RASEF: variants seen among roughly 807,000 people sequenced by gnomAD.
The protein encoded by RASEF is ras and EF-hand domain-containing protein.
RASEF carries 68 observed loss-of-function variants against 90.1 expected under a neutral mutation model. The ratio of observed to expected loss-of-function variants is 0.75; its 90% CI spans 0.62 to 0.92. The LOEUF (loss-of-function observed/expected upper bound fraction) is 0.92. Ranked by LOEUF, RASEF falls within the 40% of genes least tolerant of loss-of-function variation. The pLI is 0.00. For missense variants in RASEF, 949 were observed against 937.2 expected (o/e 1.01, Z -0.16); for synonymous variants, 331 against 345.2 (o/e 0.96, Z 0.46).
At chr9:83,070,948 T>C in the RASEF span, among the ~76,000 whole-genome samples, 1 of 152,230 alleles carries the variant, frequency 6.6e-6, no homozygotes, top group Non-Finnish European at 1.5e-5. Flanking sequence ...ATTCAGTTGA[T>C]TTTTATAATG....
chr9:83,132,103 T>C, the RASEF span, among the ~76,000 whole-genome samples: 5 of 152,298 alleles, frequency 3.3e-5, no homozygotes, highest in African/African-American at 9.6e-5. Context: ...ATTCCCCTGT[T>C]CTTAAACCTG....
rs143989297 is a variant in RASEF at position 83,057,924 on chromosome 9, G to A, written c.431+4513C>T. Among the ~76,000 whole-genome samples, 253 of 149,198 alleles carry A rather than the reference G, an allele frequency of 1.7e-3. 7 individuals carry two copies. The East Asian group carries it at 0.041, about 24-fold the overall frequency. ...CCAAAGCACCAAGATGCTCACATGT[G>A]GAAGATACTCAAGAGCTGAGATCAA... is the stretch of plus-strand genomic sequence containing the variant. On this transcript the variant is annotated intron_variant, in intron 1 of 16. Coordinates refer to ENST00000376447, the MANE Select transcript of RASEF (RefSeq NM_152573.4).
At chr9:83,124,736 T>C in the RASEF span, among the ~76,000 whole-genome samples, 9 of 152,326 alleles carry the variant, frequency 5.9e-5, no homozygotes, top group African/African-American at 2.2e-4. Flanking sequence ...ATTATCTTTT[T>C]CTTTTCTCTG....
chr9:83,131,918 A>C, the RASEF span, among the ~76,000 whole-genome samples: 1 of 152,170 alleles, frequency 6.6e-6, no homozygotes, highest in Non-Finnish European at 1.5e-5. Flanking sequence ...CAACTCTGGT[A>C]ATAATGGTCT....
At chr9:83,191,714 A>G in the RASEF span, among the ~76,000 whole-genome samples, 11 of 152,174 alleles carry the variant, frequency 7.2e-5, no homozygotes, top group Non-Finnish European at 1.5e-5. Context: ...TACCAACTTC[A>G]AAGTATCAAA....
At chr9:83,000,785 C>T (rs946173489) in intron 10 of RASEF, 111 bp downstream of exon 10, 57 of 1,024,696 alleles carry the variant, frequency 5.6e-5, no homozygotes, top group Admixed American at 2.8e-4. Context: ...ACTAACTATG[C>T]TTTACATCTA....
chr9:83,095,620 T>C, the RASEF span, among the ~76,000 whole-genome samples: 532 of 152,070 alleles, frequency 3.5e-3, 4 homozygotes, highest in Admixed American at 0.02. Flanking sequence ...GAGCAGTTCA[T>C]ACCAGACTAT....
the RASEF span, among the ~76,000 whole-genome samples, chr9:83,091,818 C>T: frequency 6.6e-6 from 1 of 151,904 alleles, no homozygotes; most frequent in Non-Finnish European, 1.5e-5. Flanking sequence ...CAAACAATGG[C>T]AATTCTTTGG....
the RASEF span, among the ~76,000 whole-genome samples, chr9:83,088,668 T>C: frequency 2.6e-5 from 4 of 152,106 alleles, no homozygotes; most frequent in African/African-American, 9.6e-5. Context: ...ATAAAATGTC[T>C]TTGTCTCTAG....
At chr9:83,194,600 G>A in the RASEF span, among the ~76,000 whole-genome samples, 1 of 152,120 alleles carries the variant, frequency 6.6e-6, no homozygotes, top group Non-Finnish European at 1.5e-5. Flanking sequence ...TCAGAAAGAA[G>A]GACTAAGTTC....
chr9:83,218,293 TA>T, the RASEF span, among the ~76,000 whole-genome samples: 5 of 152,280 alleles, frequency 3.3e-5, no homozygotes, highest in East Asian at 9.7e-4. Flanking sequence ...ATGGAGATAG[TA>T]ATAGATGGTA....
intron 1 of RASEF, among the ~76,000 whole-genome samples, chr9:83,033,014 T>C (rs762232172): frequency 6.6e-6 from 1 of 152,152 alleles, no homozygotes; most frequent in Non-Finnish European, 1.5e-5. Flanking sequence ...GTAGGGTGCT[T>C]AGGAAAACTG....
chr9:83,106,391 C>T, the RASEF span, among the ~76,000 whole-genome samples: 1 of 152,182 alleles, frequency 6.6e-6, no homozygotes, highest in South Asian at 2.1e-4. Flanking sequence ...TGATCATCTA[C>T]CCCTATGTCA....
At chr9:83,200,728 C>T in the RASEF span, among the ~76,000 whole-genome samples, 77 of 152,246 alleles carry the variant, frequency 5.1e-4, no homozygotes, top group East Asian at 8.5e-3. Flanking sequence ...GGTTCTAAAG[C>T]AATGTCAGCT....
chr9:83,184,771 A>G, the RASEF span, among the ~76,000 whole-genome samples: 2 of 152,224 alleles, frequency 1.3e-5, no homozygotes, highest in Non-Finnish European at 2.9e-5. Context: ...TAGGATAAGG[A>G]CCATGTCACC....
At chr9:83,167,013 T>C in the RASEF span, among the ~76,000 whole-genome samples, 1 of 152,180 alleles carries the variant, frequency 6.6e-6, no homozygotes, top group Non-Finnish European at 1.5e-5. Flanking sequence ...AATCCTAGGT[T>C]TGCCGTTTGC....
chr9:83,096,762 C>T, the RASEF span, among the ~76,000 whole-genome samples: 1 of 152,012 alleles, frequency 6.6e-6, no homozygotes, highest in Non-Finnish European at 1.5e-5. Context: ...GGCATATCTC[C>T]TCATGCTATC....
In RASEF at chr9:82,990,928, C is replaced by T. The variant is rs923830154; in HGVS notation, c.2041-461G>A. 3.9e-5 allele frequency among the ~76,000 whole-genome samples: 6 copies of T among 152,150 alleles called. No individual in the cohort carries two copies. The South Asian group carries it at 6.2e-4, about 16-fold the overall frequency. Reference sequence around the variant, plus strand: ...CCACGTTTGCTGAAACCAATGGACACGTTCTAGTTCTCTATTATTCAACCT... The same window carrying T: ...CCACGTTTGCTGAAACCAATGGACATGTTCTAGTTCTCTATTATTCAACCT... On this transcript the variant is annotated intron_variant, in intron 15 of 16. Coordinates refer to ENST00000376447, the MANE Select transcript of RASEF (RefSeq NM_152573.4).
At chr9:83,062,360 T>G in intron 1 of RASEF, 77 bp downstream of exon 1, 1 of 1,455,162 alleles carries the variant, frequency 6.9e-7, no homozygotes, top group Non-Finnish European at 9.5e-7. Flanking sequence ...CCATTGGGTC[T>G]GCACACCTGC....
Sources: gnomAD v4.1 joint callset for allele counts (sites outside exome capture counted in the v4.1 genomes callset) on GRCh38, gnomAD v4.1.1 for gene constraint, MANE v1.5 for transcripts, NCBI Gene and HGNC (gene_info 2026-07-23, HGNC 2026-07-21) for gene names.